The following CREB5 variants were observed in gnomAD, a reference collection of about 807,000 sequenced individuals.
CREB5 encodes the protein cAMP responsive element binding protein 5.
CREB5 carries 19 observed loss-of-function variants against 57.1 expected under a neutral mutation model. The ratio of observed to expected loss-of-function variants is 0.33; its 90% CI spans 0.23 to 0.49. The LOEUF is 0.49. Among genes scored for constraint, CREB5 ranks in the 20% least tolerant of loss-of-function variants. CREB5 has a pLI of 0.99. For missense variants in CREB5, 579 were observed against 671.6 expected, an observed-to-expected ratio of 0.86 and a Z score of 1.52; for synonymous variants, 238 against 238.3, an observed-to-expected ratio of 1.00 and a Z score of 0.01.
chr7:28,432,409 G>T (rs906963435), intron 1 of CREB5, among the ~76,000 whole-genome samples: 1 of 152,158 alleles, frequency 6.6e-6, no homozygotes, highest in Non-Finnish European at 1.5e-5. Flanking sequence ...ACGCAGTTTT[G>T]TGGCTCTTTT....
intron 9 of CREB5, among the ~76,000 whole-genome samples, chr7:28,809,656 G>A (rs1176637991): frequency 1.3e-5 from 2 of 152,244 alleles, no homozygotes; most frequent in African/African-American, 4.8e-5. Flanking sequence ...CCACTAAGTT[G>A]TAGGGGTGGG....
rs909808762 is a variant in CREB5 at position 28,560,344 on chromosome 7, A to C, written c.292-10021A>C. On this transcript the variant is annotated intron_variant, in intron 4 of 10. Transcript: ENST00000357727. ...GGAGTTTAGGGTTTGCACAGGGGAT[A>C]GTGGTAGGAGATGAGGCTGGAAATA... Among the ~76,000 whole-genome samples the C allele has an allele frequency of 2.0e-5, 3 of 152,186 alleles. 1 individual carries two copies. The highest frequency in any genetic ancestry group is 3.8e-4 in the East Asian group (2 of 5,196).
chr7:28,575,317 T>G (rs160356), intron 5 of CREB5, among the ~76,000 whole-genome samples: 134,626 of 152,264 alleles, frequency 0.88, 59,726 homozygotes, highest in East Asian at 0.96. Flanking sequence ...ATTTGAGGGT[T>G]TTGTGTCATT....
intron 1 of CREB5, among the ~76,000 whole-genome samples, chr7:28,440,110 A>G (rs1789123721): frequency 6.6e-6 from 1 of 152,170 alleles, no homozygotes; most frequent in Non-Finnish European, 1.5e-5. Context: ...CAACAGGAAA[A>G]CTTAGAACTC....
intron 1 of CREB5, among the ~76,000 whole-genome samples, chr7:28,343,529 T>A (rs1451522986): frequency 6.6e-6 from 1 of 152,210 alleles, no homozygotes; most frequent in African/African-American, 2.4e-5. Flanking sequence ...ATGACAAGAT[T>A]TCATTATTTT....
chr7:28,400,046 G>A (rs42702), intron 1 of CREB5, among the ~76,000 whole-genome samples: 150,574 of 152,280 alleles, frequency 0.99, 74,458 homozygotes, highest in East Asian at 1. Flanking sequence ...TGGCAAGAGC[G>A]AAACTCTGTC....
At chr7:28,655,399 G>A (rs563969895) in intron 5 of CREB5, among the ~76,000 whole-genome samples, 11 of 152,250 alleles carry the variant, frequency 7.2e-5, no homozygotes, top group African/African-American at 2.6e-4. Context: ...TTGAATCCAG[G>A]AGTTCAACAC....
Position 28,306,541 on chromosome 7 carries a change from G to GTTTT in CREB5, c.-25+7101_-25+7104dup, listed in dbSNP as rs199561235. Among the ~76,000 whole-genome samples the GTTTT allele has an allele frequency of 1.7e-3, 76 of 44,422 alleles. 9 individuals carry two copies. The highest frequency in any genetic ancestry group is 2.3e-3 in the African/African-American group (30 of 12,942). 29.1% of individuals were successfully genotyped at this position (44,422 alleles called of 152,430 possible). ...ACTGGTGCCAGTACATACAGATACA[G>GTTTT]TTTTGTTTTTTTTGTTTTTTTTTTT... On this transcript the variant is annotated intron_variant, in intron 1 of 9. Transcript: ENST00000396299.
chr7:28,492,746 A>G (rs1242575388), intron 2 of CREB5, among the ~76,000 whole-genome samples: 1 of 148,602 alleles, frequency 6.7e-6, no homozygotes, highest in East Asian at 1.9e-4. Flanking sequence ...GTATATTTAA[A>G]ATATAGTGTA....
intron 4 of CREB5, among the ~76,000 whole-genome samples, chr7:28,546,784 T>C (rs1374619146): frequency 6.6e-6 from 1 of 152,218 alleles, no homozygotes; most frequent in Non-Finnish European, 1.5e-5. Flanking sequence ...GAAACCTAAA[T>C]TCAAGCCCAG....
At chr7:28,347,993 C>T (rs941689514) in intron 1 of CREB5, among the ~76,000 whole-genome samples, 4 of 152,092 alleles carry the variant, frequency 2.6e-5, no homozygotes, top group Admixed American at 6.5e-5. Context: ...ATCCTGGAAC[C>T]GGTGCCCTGG....
chr7:28,606,506 T>C (rs1215994735), intron 5 of CREB5, among the ~76,000 whole-genome samples: 1 of 152,160 alleles, frequency 6.6e-6, no homozygotes, highest in African/African-American at 2.4e-5. Context: ...TCCCTGGGAA[T>C]AGGGCCCTCA....
chr7:28,494,219 C>T (rs913180827), intron 2 of CREB5, among the ~76,000 whole-genome samples: 2 of 152,170 alleles, frequency 1.3e-5, no homozygotes, highest in African/African-American at 4.8e-5. Flanking sequence ...ATGTTTTGCA[C>T]ATGGTTTTCT....
chr7:28,757,798 T>G (rs1447864550), intron 7 of CREB5, among the ~76,000 whole-genome samples: 1 of 152,134 alleles, frequency 6.6e-6, no homozygotes, highest in Non-Finnish European at 1.5e-5. Context: ...TTTTTCAGAT[T>G]TTGGAATATT....
At chr7:28,812,561 A>ATCT (rs2128806623) in intron 9 of CREB5, among the ~76,000 whole-genome samples, 1 of 152,328 alleles carries the variant, frequency 6.6e-6, no homozygotes, top group East Asian at 1.9e-4. Flanking sequence ...AGGCACCAAT[A>ATCT]TCTTTTGGTA....
At chr7:28,779,082 T>G (rs1429001086) in intron 7 of CREB5, 2 of 152,220 alleles carry the variant, frequency 1.3e-5, no homozygotes, top group Admixed American at 6.5e-5. Context: ...TAAAAATAAA[T>G]GTAAATCACA....
intron 4 of CREB5, among the ~76,000 whole-genome samples, chr7:28,535,563 A>G (rs541337918): frequency 1.1e-4 from 17 of 152,136 alleles, no homozygotes; most frequent in East Asian, 1.9e-4. Context: ...TTCAGACACT[A>G]TATCATCTTA....
intron 8 of CREB5, among the ~76,000 whole-genome samples, chr7:28,805,450 A>G (rs2282912): frequency 0.7 from 107,019 of 151,926 alleles, 38,025 homozygotes; most frequent in Non-Finnish European, 0.74. Context: ...CAACCAGCTG[A>G]ATCAGAAGGG....
chr7:28,644,383 T>G (rs1342797562), intron 5 of CREB5, among the ~76,000 whole-genome samples: 2 of 152,112 alleles, frequency 1.3e-5, no homozygotes, highest in African/African-American at 4.8e-5. Context: ...GTTTTCAGAC[T>G]ACCAGTGGGA....
Sources: gnomAD v4.1 joint callset for allele counts (sites outside exome capture counted in the v4.1 genomes callset) on GRCh38, gnomAD v4.1.1 for gene constraint, MANE v1.5 for transcripts, NCBI Gene and HGNC (gene_info 2026-07-23, HGNC 2026-07-21) for gene names.